The following PCDHGB5 variants were observed in gnomAD, a reference collection of about 807,000 sequenced individuals.
The protein encoded by PCDHGB5 is protocadherin gamma subfamily B, 5, also known as protocadherin gamma-B5.
In PCDHGB5, 48 loss-of-function variants were observed where a neutral mutation model predicts 62.9. The observed-to-expected ratio is 0.76, with a 90% CI of 0.61 to 0.97. The LOEUF (loss-of-function observed/expected upper bound fraction) is 0.97. PCDHGB5 is among the 50% of genes least tolerant of loss of function. The pLI is 0.00. For missense variants in PCDHGB5, 1,118 were observed against 1,198.6 expected (o/e 0.93, Z 0.99); for synonymous variants, 474 against 511.2 (o/e 0.93, Z 0.98).
At chr5:141,478,567 C>T (rs371741874) in intron 1 of PCDHGB5, 20 of 1,593,698 alleles carry the variant, frequency 1.3e-5, no homozygotes, top group Non-Finnish European at 1.7e-5. Flanking sequence ...GCAAGTCATG[C>T]TTGACCCTGT....
intron 2 of PCDHGB5, among the ~76,000 whole-genome samples, chr5:141,502,067 CCTTCACCTGGGG>C (rs1307097799): frequency 6.6e-6 from 1 of 152,172 alleles, no homozygotes; most frequent in Non-Finnish European, 1.5e-5. Flanking sequence ...CCATTAGCCC[CCTTCACCTGGGG>C]CTGAGAACAC....
intron 1 of PCDHGB5, among the ~76,000 whole-genome samples, chr5:141,445,332 A>G (rs1364481039): frequency 1.4e-4 from 22 of 152,140 alleles, no homozygotes; most frequent in Admixed American, 1.4e-3. Context: ...CCATCCAGAA[A>G]CAGTAAACAT....
chr5:141,492,064 C>T (rs1562152072), intron 1 of PCDHGB5: 3 of 484,366 alleles, frequency 6.2e-6, no homozygotes, highest in Non-Finnish European at 1.1e-5. Context: ...AGCCAGCCTC[C>T]TAGGCGCCGG....
chr5:141,491,529 G>C lies in PCDHGB5; in HGVS notation c.2398-3278G>C. 1 of 1,614,040 alleles carries C rather than the reference G, an allele frequency of 6.2e-7. No individual in the cohort carries two copies. The highest frequency in any genetic ancestry group is 1.1e-5 in the South Asian group (1 of 91,080). On this transcript the variant is annotated intron_variant, in intron 1 of 3. Coordinates refer to ENST00000617380, the MANE Select transcript of PCDHGB5 (RefSeq NM_018925.3). The surrounding 1 kb of genome is among the most constrained non-coding windows in gnomAD (Gnocchi z 6.9). ...GCACGCTCAAGTACATGGAGGTGACGCTGCGGCCCACAGACTCGCAGAGCC... is the reference window on the plus strand; with the variant it reads ...GCACGCTCAAGTACATGGAGGTGACCCTGCGGCCCACAGACTCGCAGAGCC...
At chr5:141,400,740 G>T in intron 1 of PCDHGB5, 1 of 616,766 alleles carries the variant, frequency 1.6e-6, no homozygotes, top group Non-Finnish European at 2.8e-6. Context: ...GTGAGAGTTT[G>T]CTCTTAGCTT....
At chr5:141,500,822 T>A (rs1377955680) in intron 2 of PCDHGB5, among the ~76,000 whole-genome samples, 1 of 152,240 alleles carries the variant, frequency 6.6e-6, no homozygotes, top group African/African-American at 2.4e-5. Context: ...TACATATTAT[T>A]TTTCTAATGC....
In PCDHGB5 at chr5:141,487,265, G is replaced by A; in HGVS notation, c.2398-7542G>A. 2 of 1,614,158 alleles carry A rather than the reference G, an allele frequency of 1.2e-6. 1 individual carries two copies. Among genetic ancestry groups the A allele is most frequent in the South Asian group, 2.2e-5 (2 of 91,084 alleles). On this transcript the variant is annotated intron_variant, in intron 1 of 3. Transcript: ENST00000617380. The surrounding 1 kb of genome is among the most constrained non-coding windows in gnomAD (Gnocchi z 5.0). Reference sequence around the variant, plus strand: ...AACCCTCTACTTGGCTGTGTCCCTAGTGGCAATTTGCTTTGTCTCCTTTGG... The same window carrying A: ...AACCCTCTACTTGGCTGTGTCCCTAATGGCAATTTGCTTTGTCTCCTTTGG...
chr5:141,399,822 C>T lies in PCDHGB5; in HGVS notation c.1695C>T (p.Pro565=), dbSNP rs755182775. Residue 565 remains proline (P), a synonymous_variant, in exon 1 of 4, where the codon CCC becomes CCT. Transcript: ENST00000617380. ...GGGTGCTGTACCCCGCGCTGGGTCCCGACGGCTCTGCGCTCTTCGATATGG... is the reference window on the plus strand; with the variant it reads ...GGGTGCTGTACCCCGCGCTGGGTCCTGACGGCTCTGCGCTCTTCGATATGG... ...APRVLYPALG[P]DGSALFDMVP... 2 of 1,613,084 alleles carry T rather than the reference C, an allele frequency of 1.2e-6. No individual in the cohort carries two copies. The highest frequency in any genetic ancestry group is 3.3e-5 in the Admixed American group (2 of 59,990).
chr5:141,429,487 C>G (rs2097218311), intron 1 of PCDHGB5, among the ~76,000 whole-genome samples: 1 of 151,822 alleles, frequency 6.6e-6, no homozygotes, highest in Non-Finnish European at 1.5e-5. Flanking sequence ...GTAGCTGAGA[C>G]TACAGTTGCC....
intron 1 of PCDHGB5, among the ~76,000 whole-genome samples, chr5:141,482,488 G>C (rs1401943298): frequency 7.7e-6 from 1 of 130,410 alleles, no homozygotes; most frequent in African/African-American, 3.1e-5. Context: ...ACAATTAAAA[G>C]TTATCATTCT....
Position 141,511,126 on chromosome 5 carries a change from G to A in PCDHGB5, c.2725G>A (p.Gly909Ser). The A allele has an allele frequency of 1.9e-6, 3 of 1,614,212 alleles. No individual in the cohort carries two copies. The highest frequency in any genetic ancestry group is 2.2e-5 in the South Asian group (2 of 91,086). The change falls in exon 4 of 4, where the codon GGT becomes AGT. Residue 909 changes from glycine to serine, a missense_variant. Coordinates refer to ENST00000617380, the MANE Select transcript of PCDHGB5 (RefSeq NM_018925.3). ...AGKRDGKAPA[G>S]GNGNKKKSGK... ...CAAGCGGGATGGCAAGGCCCCAGCA[G>A]GTGGCAATGGCAACAAGAAGAAGTC...
At chr5:141,413,330 T>C (rs770842309) in intron 1 of PCDHGB5, 1 of 1,613,930 alleles carries the variant, frequency 6.2e-7, no homozygotes. Context: ...GTGGGCAACA[T>C]CTCCAAGGAC....
chr5:141,457,937 G>A (rs916509260), intron 1 of PCDHGB5, among the ~76,000 whole-genome samples: 1 of 152,166 alleles, frequency 6.6e-6, no homozygotes, highest in African/African-American at 2.4e-5. Flanking sequence ...GGCTTTTATT[G>A]GCTCTGCATG....
intron 1 of PCDHGB5, among the ~76,000 whole-genome samples, chr5:141,437,983 A>G (rs544812394): frequency 4.6e-5 from 7 of 151,938 alleles, no homozygotes; most frequent in Admixed American, 2.6e-4. Context: ...GGATGCACCC[A>G]CCCCACCTCA....
chr5:141,410,320 C>T (rs752279818), intron 1 of PCDHGB5: 54 of 1,613,880 alleles, frequency 3.3e-5, no homozygotes, highest in Non-Finnish European at 4.5e-5. Context: ...TCCTCCTCGC[C>T]GTGATTCTGG....
At chr5:141,415,257 T>G in intron 1 of PCDHGB5, 1 of 1,614,170 alleles carries the variant, frequency 6.2e-7, no homozygotes, top group Non-Finnish European at 8.5e-7. Flanking sequence ...CAGACCTCAC[T>G]CTGTACCTGG....
intron 1 of PCDHGB5, among the ~76,000 whole-genome samples, chr5:141,450,815 A>ATTATTAT (rs1554136868): frequency 7.9e-6 from 1 of 126,684 alleles, no homozygotes; most frequent in African/African-American, 3.3e-5. Context: ...TATTTATTTA[A>ATTATTAT]TATTATTATT....
chr5:141,421,734 G>A (rs761780459), intron 1 of PCDHGB5: 1 of 1,613,948 alleles, frequency 6.2e-7, no homozygotes, highest in Non-Finnish European at 8.5e-7. Flanking sequence ...ACTCCCTCCA[G>A]AGCTACCAGC....
chr5:141,423,267 G>A (rs530404769), intron 1 of PCDHGB5: 1 of 1,613,710 alleles, frequency 6.2e-7, no homozygotes, highest in Non-Finnish European at 8.5e-7. Flanking sequence ...GCAGCCTCGA[G>A]TCTCTGGCTA....
Sources: allele counts gnomAD v4.1 joint callset (sites outside exome capture counted in the v4.1 genomes callset), GRCh38; gene constraint gnomAD v4.1.1; non-coding constraint Gnocchi (gnomAD v3.1); transcripts MANE v1.5; gene names NCBI Gene and HGNC (gene_info 2026-07-23, HGNC 2026-07-21).